The following MYOM1 variants were observed in gnomAD, a reference collection of about 807,000 sequenced individuals.
MYOM1 encodes myomesin 1.
Under a neutral mutation model 205.3 loss-of-function variants are expected in MYOM1, and 164 were observed. That is an observed-to-expected ratio of 0.80 (90% confidence interval 0.70 to 0.91). MYOM1 has a LOEUF of 0.91. Among genes scored for constraint, MYOM1 ranks in the 40% least tolerant of loss-of-function variants. The pLI, the probability that MYOM1 is intolerant of heterozygous loss-of-function variation, is 0.00. For missense variants in MYOM1, 2,011 were observed against 2,127.3 expected, an observed-to-expected ratio of 0.95 and a Z score of 1.08; for synonymous variants, 772 against 789.4, an observed-to-expected ratio of 0.98 and a Z score of 0.37.
chr18:3,237,794 G>C, the MYOM1 span, among the ~76,000 whole-genome samples: 3 of 152,106 alleles, frequency 2.0e-5, no homozygotes, highest in African/African-American at 7.2e-5. Flanking sequence ...TGGGGGAAGG[G>C]AGGAATGGGG....
intron 20 of MYOM1, 126 bp from the exon 21 acceptor site, chr18:3,116,641 C>A (rs1328594774): frequency 2.3e-6 from 2 of 878,174 alleles, no homozygotes; most frequent in East Asian, 5.7e-5. Context: ...ATCTAGCTTT[C>A]CCATGAAAAA....
At chr18:3,229,357 C>G in the MYOM1 span, among the ~76,000 whole-genome samples, 43 of 150,716 alleles carry the variant, frequency 2.9e-4, no homozygotes, top group African/African-American at 1.0e-3. Context: ...TTAAAAGCTC[C>G]TAAATGATTC....
chr18:3,083,203 G>GTA (rs2079105045), intron 33 of MYOM1, among the ~76,000 whole-genome samples: 1 of 152,114 alleles, frequency 6.6e-6, no homozygotes, highest in African/African-American at 2.4e-5. Context: ...AAGATGTACT[G>GTA]TAACTATGAC....
At chr18:3,190,101 C>T (rs1444264523) in intron 3 of MYOM1, among the ~76,000 whole-genome samples, 1 of 149,730 alleles carries the variant, frequency 6.7e-6, no homozygotes, top group Non-Finnish European at 1.5e-5. Flanking sequence ...TCATAATTGA[C>T]AATAGTAAGG....
intron 14 of MYOM1, among the ~76,000 whole-genome samples, chr18:3,140,839 G>A (rs1354904170): frequency 6.6e-6 from 1 of 152,074 alleles, no homozygotes; most frequent in Non-Finnish European, 1.5e-5. Flanking sequence ...AAACTAAAAT[G>A]TAAAGTAAAT....
intron 13 of MYOM1, among the ~76,000 whole-genome samples, chr18:3,145,522 T>C (rs2080112026): frequency 1.3e-5 from 2 of 152,066 alleles, no homozygotes; most frequent in African/African-American, 4.8e-5. Flanking sequence ...CTAAATAACA[T>C]ACTCCAAATA....
chr18:3,188,563 A>G (rs2080855113), intron 4 of MYOM1, among the ~76,000 whole-genome samples, 185 bp downstream of exon 4: 1 of 151,714 alleles, frequency 6.6e-6, no homozygotes, highest in Admixed American at 6.6e-5. Context: ...CGGGAGGCGG[A>G]GGCTGCAGTG....
chr18:3,126,566 T>C, intron 19 of MYOM1, 135 bp downstream of exon 19: 2 of 731,620 alleles, frequency 2.7e-6, no homozygotes, highest in Non-Finnish European at 4.3e-6. Flanking sequence ...TTCACAAGAC[T>C]CATGCCACTG....
In MYOM1 at chr18:3,219,647, C is replaced by G. The variant is rs1192852926; in HGVS notation, c.-29+156G>C. 6.6e-6 allele frequency among the ~76,000 whole-genome samples: 1 copy of G among 152,204 alleles called. No individual in the cohort carries two copies. Among genetic ancestry groups the G allele is most frequent in the Non-Finnish European group, 1.5e-5 (1 of 68,030 alleles). ...GACTGGCACCCGGCTGTTCTGGTTT[C>G]CCTCCCTGGAGCTTCACTTTCCTAT... On this transcript the variant is annotated intron_variant, in intron 1 of 37. Transcript: ENST00000356443. The surrounding 1 kb of genome is among the most constrained non-coding windows in gnomAD (Gnocchi z 4.4).
At chr18:3,095,614 T>C (rs1029341091) in intron 25 of MYOM1, among the ~76,000 whole-genome samples, 2 of 152,074 alleles carry the variant, frequency 1.3e-5, no homozygotes, top group African/African-American at 4.8e-5. Flanking sequence ...AGAGAACACA[T>C]TAAGGTACTG....
rs971104864 is a variant in MYOM1 at position 3,209,541 on chromosome 18, A to G, written c.290+5393T>C. On this transcript the variant is annotated intron_variant, in intron 2 of 37. Coordinates refer to ENST00000356443, the MANE Select transcript of MYOM1 (RefSeq NM_003803.4). This position sits in a 1 kb window ranked among gnomAD's most constrained non-coding sequence, Gnocchi z 4.0. ...CCCTTCAATGGCCCACAGGCCCTCC[A>G]TGATCAGTCCTGCCCAACCCATCAC... Among the ~76,000 whole-genome samples the G allele has an allele frequency of 6.6e-6, 1 of 152,140 alleles. No individual in the cohort carries two copies. Among genetic ancestry groups the G allele is most frequent in the African/African-American group, 2.4e-5 (1 of 41,428 alleles).
At chr18:3,165,384 C>T (rs1175763319) in intron 9 of MYOM1, among the ~76,000 whole-genome samples, 1 of 152,092 alleles carries the variant, frequency 6.6e-6, no homozygotes, top group Non-Finnish European at 1.5e-5. Flanking sequence ...ATTCAGGATG[C>T]CTGTTTATGT....
chr18:3,085,042 G>C lies in MYOM1; in HGVS notation c.4339+3C>G. The C allele has an allele frequency of 6.3e-7, 1 of 1,599,146 alleles. No homozygotes were observed. Among genetic ancestry groups the C allele is most frequent in the Non-Finnish European group, 8.5e-7 (1 of 1,171,866 alleles). ...GACAGACCCCAGCAGTTGGTGGACT[G>C]ACCTTCATCCACAAGCTTCAGTCTG... On this transcript the variant is annotated splice_donor_region_variant and intron_variant, in intron 31 of 37. Coordinates refer to ENST00000356443, the MANE Select transcript of MYOM1 (RefSeq NM_003803.4).
chr18:3,243,099 G>A, the MYOM1 span, among the ~76,000 whole-genome samples: 1 of 151,942 alleles, frequency 6.6e-6, no homozygotes, highest in South Asian at 2.1e-4. Flanking sequence ...TTTTTAAAAA[G>A]CAATTCTTTA....
At chr18:3,240,647 C>T in the MYOM1 span, among the ~76,000 whole-genome samples, 1 of 152,078 alleles carries the variant, frequency 6.6e-6, no homozygotes, top group Non-Finnish European at 1.5e-5. Flanking sequence ...CAAATTGGTA[C>T]CAGTAGAGTG....
intron 17 of MYOM1, among the ~76,000 whole-genome samples, chr18:3,130,260 C>A (rs1289191999): frequency 6.6e-6 from 1 of 151,986 alleles, no homozygotes; most frequent in Non-Finnish European, 1.5e-5. Context: ...CCAGGTTGAT[C>A]TCAAACTCCT....
At chr18:3,094,340 T>C (rs185283545) in intron 25 of MYOM1, 34 bp from the exon 26 acceptor site, 120 of 1,557,542 alleles carry the variant, frequency 7.7e-5, no homozygotes, top group Admixed American at 5.1e-4. Flanking sequence ...AGTAATTATA[T>C]TGGTAACCAA....
At chr18:3,127,759 T>A (rs1052335702) in intron 18 of MYOM1, among the ~76,000 whole-genome samples, 3 of 152,204 alleles carry the variant, frequency 2.0e-5, no homozygotes, top group Admixed American at 2.0e-4. Flanking sequence ...AAAACATTTT[T>A]AAAAAACAGA....
rs1212141794 is a variant in MYOM1 at position 3,174,129 on chromosome 18, C to T, written c.1102G>A (p.Val368Met). ...KGELSAYASV[V>M]VKRYKGEFDE... ...AATCTAGCAAACCTACTTTTTACCACAACTGAAGCATATGCCGAAAGCTCT... is the reference window on the plus strand; with the variant it reads ...AATCTAGCAAACCTACTTTTTACCATAACTGAAGCATATGCCGAAAGCTCT... Residue 368 changes from valine (V) to methionine (M), a missense_variant, in exon 7 of 38, where the codon GTG (valine) becomes ATG (methionine). Transcript: ENST00000356443. The T allele has an allele frequency of 1.2e-6, 2 of 1,614,030 alleles. No homozygotes were observed. The highest frequency in any genetic ancestry group is 1.7e-6 in the Non-Finnish European group (2 of 1,179,880).
Sources: allele counts gnomAD v4.1 joint callset (sites outside exome capture counted in the v4.1 genomes callset), GRCh38; gene constraint gnomAD v4.1.1; non-coding constraint Gnocchi (gnomAD v3.1); transcripts MANE v1.5; gene names NCBI Gene and HGNC (gene_info 2026-07-23, HGNC 2026-07-21).